Variants in PCSK6 observed in about 807,000 individuals in gnomAD.
PCSK6 encodes proprotein convertase subtilisin/kexin type 6.
PCSK6 carries 85 observed loss-of-function variants against 123.3 expected under a neutral mutation model. That is an observed-to-expected ratio of 0.69 (90% CI 0.58 to 0.83). The LOEUF is 0.83. Ranked by LOEUF, PCSK6 falls within the 40% of genes least tolerant of loss-of-function variation. The pLI is 0.00. For missense variants in PCSK6, 1,191 were observed against 1,282.3 expected, an observed-to-expected ratio of 0.93 and a Z score of 1.09; for synonymous variants, 508 against 516.0, an observed-to-expected ratio of 0.98 and a Z score of 0.21.
chr15:101,388,445 G>A (rs2042133148), intron 9 of PCSK6, among the ~76,000 whole-genome samples: 1 of 152,174 alleles, frequency 6.6e-6, no homozygotes, highest in South Asian at 2.1e-4. Context: ...AGTACAATTT[G>A]GTTTTGACTC....
intron 1 of PCSK6, among the ~76,000 whole-genome samples, chr15:101,478,926 C>T (rs867949937): frequency 1.3e-5 from 2 of 152,224 alleles, no homozygotes; most frequent in Admixed American, 6.5e-5. Flanking sequence ...TCCATACTCA[C>T]GCTTAAGGAT....
intron 1 of PCSK6, among the ~76,000 whole-genome samples, chr15:101,467,907 G>C (rs2057504553): frequency 6.6e-6 from 1 of 152,252 alleles, no homozygotes; most frequent in South Asian, 2.1e-4. Context: ...CTGGCAGGTG[G>C]TAGGGTGCAA....
chr15:101,307,164 A>G (rs2039741992), intron 21 of PCSK6, 49 bp downstream of exon 21: 1 of 1,393,670 alleles, frequency 7.2e-7, no homozygotes, highest in Admixed American at 1.8e-5. Flanking sequence ...CGAGCTGGCC[A>G]GCTGAGCTCC....
At chr15:101,486,434 T>C (rs1167229688) in intron 1 of PCSK6, among the ~76,000 whole-genome samples, 1 of 152,236 alleles carries the variant, frequency 6.6e-6, no homozygotes, top group East Asian at 1.9e-4. Context: ...ACTCCCTTAT[T>C]AGCTCCAGGG....
rs540263178 is a variant in PCSK6, at chr15:101,379,123, T to C, written c.1532+2969A>G. Among the ~76,000 whole-genome samples the C allele has an allele frequency of 1.4e-4, 21 of 152,294 alleles. No individual in the cohort carries two copies. The South Asian group carries it at 2.7e-3, about 20-fold the overall frequency. On this transcript the variant is annotated intron_variant, in intron 11 of 21. Coordinates refer to ENST00000611716, the MANE Select transcript of PCSK6 (RefSeq NM_002570.5). ...TTCGGGGCCCTGGATGCAATGCTAG[T>C]TTGGGAGCACAGGCTGGGTGCACAG...
At chr15:101,361,151 GTTCT>G (rs1161983400) in intron 13 of PCSK6, among the ~76,000 whole-genome samples, 1 of 141,030 alleles carries the variant, frequency 7.1e-6, no homozygotes, top group Non-Finnish European at 1.5e-5. Flanking sequence ...TTTGCCTATA[GTTCT>G]TTCTCTCTCT....
At chr15:101,463,033 G>C in intron 1 of PCSK6, 1 of 461,474 alleles carries the variant, frequency 2.2e-6, no homozygotes, top group African/African-American at 2.0e-5. Context: ...CAGATGGTGG[G>C]TGAGAGTTCG....
chr15:101,318,143 C>T (rs964916640), intron 19 of PCSK6, among the ~76,000 whole-genome samples, 176 bp downstream of exon 19: 4 of 152,254 alleles, frequency 2.6e-5, no homozygotes, highest in Non-Finnish European at 2.9e-5. Flanking sequence ...AACATTAAAT[C>T]CCCACTCTCC....
At chr15:101,309,083 C>G (rs765680760) in intron 20 of PCSK6, 2 of 152,532 alleles carry the variant, frequency 1.3e-5, no homozygotes, top group Non-Finnish European at 2.9e-5. Context: ...TTCCATTGCT[C>G]TAACCAGGTT....
intron 1 of PCSK6, among the ~76,000 whole-genome samples, chr15:101,474,431 G>A (rs760717684): frequency 6.6e-6 from 1 of 152,200 alleles, no homozygotes; most frequent in South Asian, 2.1e-4. Flanking sequence ...TCACTGGGGT[G>A]CGCAGCCTGC....
intron 12 of PCSK6, among the ~76,000 whole-genome samples, chr15:101,368,111 T>C (rs2041456098): frequency 6.6e-6 from 1 of 152,214 alleles, no homozygotes; most frequent in African/African-American, 2.4e-5. Flanking sequence ...CCACCCTTCC[T>C]GGGCTAGGGT....
chr15:101,468,918 T>C (rs1596369168), intron 1 of PCSK6, among the ~76,000 whole-genome samples: 2 of 152,342 alleles, frequency 1.3e-5, no homozygotes, highest in South Asian at 4.2e-4. Context: ...GCAATGATTG[T>C]TGCAATCATA....
At chr15:101,307,436 G>A (rs999645616) in intron 20 of PCSK6, 111 bp from the exon 21 acceptor site, 64 of 714,976 alleles carry the variant, frequency 9.0e-5, no homozygotes, top group Admixed American at 3.0e-4. Flanking sequence ...CCTCAGCCTC[G>A]GTCCTCTGTG....
rs201958712 is a variant in PCSK6, at chr15:101,384,308, C to G, written c.1414+14G>C. On this transcript the variant is annotated intron_variant, in intron 10 of 21. Transcript: ENST00000611716. ...AGGGCCACCCAATGGTCCACCAGAA[C>G]GCCACTGCCGCACCTTTATGACCCG... The G allele has an allele frequency of 6.2e-7, 1 of 1,612,470 alleles. No individual in the cohort carries two copies. The highest frequency in any genetic ancestry group is 1.3e-5 in the African/African-American group (1 of 74,902).
rs1159764984 is a variant in PCSK6 at position 101,432,825 on chromosome 15, G to T, written c.403-725C>A. On this transcript the variant is annotated intron_variant, in intron 2 of 21. Coordinates refer to ENST00000611716, the MANE Select transcript of PCSK6 (RefSeq NM_002570.5). Reference sequence around the variant, plus strand: ...GTTTGGTTAACTGGTATTGGAATTTGCTTTACAGTAAGGACATAAGTAAAT... The same window carrying T: ...GTTTGGTTAACTGGTATTGGAATTTTCTTTACAGTAAGGACATAAGTAAAT... Among the ~76,000 whole-genome samples, 5 of 152,170 alleles carry T rather than the reference G, an allele frequency of 3.3e-5. No homozygotes were observed. The South Asian group carries it at 8.3e-4, about 25-fold the overall frequency.
Position 101,431,515 on chromosome 15 carries a change from G to C in PCSK6, c.514-52C>G, listed in dbSNP as rs543877947. 4 of 1,609,240 alleles carry C rather than the reference G, an allele frequency of 2.5e-6. No homozygotes were observed. In the South Asian group the frequency reaches 3.3e-5, roughly 13 times the overall value. On this transcript the variant is annotated intron_variant, in intron 3 of 21. Transcript: ENST00000611716. ...CCCCGACATGGACATTCCAGATGCA[G>C]AACTGACACTCGGTGCACACCCCAC...
intron 1 of PCSK6, among the ~76,000 whole-genome samples, chr15:101,470,278 C>T (rs939980706): frequency 2.0e-5 from 3 of 152,180 alleles, no homozygotes; most frequent in African/African-American, 7.2e-5. Flanking sequence ...ACAATGACAT[C>T]TTATTTATCT....
chr15:101,449,762 C>G (rs1011112835), intron 1 of PCSK6, among the ~76,000 whole-genome samples: 7 of 152,174 alleles, frequency 4.6e-5, no homozygotes, highest in African/African-American at 1.7e-4. Flanking sequence ...TATCCAGGAA[C>G]TGCATGAGAT....
At chr15:101,373,071 C>T (rs1350549954) in intron 11 of PCSK6, among the ~76,000 whole-genome samples, 3 of 150,602 alleles carry the variant, frequency 2.0e-5, no homozygotes, top group Non-Finnish European at 4.4e-5. Context: ...ACCCACAGAG[C>T]GAACACCTAG....
Sources: gnomAD v4.1 joint callset for allele counts (sites outside exome capture counted in the v4.1 genomes callset) on GRCh38, gnomAD v4.1.1 for gene constraint, MANE v1.5 for transcripts, NCBI Gene and HGNC (gene_info 2026-07-23, HGNC 2026-07-21) for gene names.